DLG2: variants seen among roughly 807,000 people sequenced by gnomAD.
DLG2 encodes the protein disks large homolog 2.
A neutral mutation model predicts 132.5 loss-of-function variants in DLG2; 45 were observed. That is an observed-to-expected ratio of 0.34 (90% CI 0.27 to 0.44). The LOEUF (loss-of-function observed/expected upper bound fraction) is 0.44, where lower values mean the gene tolerates loss of function less well. Ranked by LOEUF, DLG2 falls within the 20% of genes least tolerant of loss-of-function variation. DLG2 has a pLI of 1.00. For synonymous variants in DLG2, 424 were observed against 419.6 expected, an observed-to-expected ratio of 1.01 and a Z score of -0.13; for missense variants, 1,045 against 1,196.9, an observed-to-expected ratio of 0.87 and a Z score of 1.87.
intron 4 of DLG2, among the ~76,000 whole-genome samples, chr11:85,174,678 C>T (rs1566968139): frequency 6.6e-6 from 1 of 151,960 alleles, no homozygotes; most frequent in Non-Finnish European, 1.5e-5. Flanking sequence ...AATCCAGGAG[C>T]TGATTTTTTG....
chr11:85,401,254 T>G (rs1434081293), intron 3 of DLG2, among the ~76,000 whole-genome samples: 1 of 152,104 alleles, frequency 6.6e-6, no homozygotes, highest in Non-Finnish European at 1.5e-5. Context: ...ATTATCTCAA[T>G]AGATGCAGAA....
chr11:84,414,188 A>G (rs1241269768), intron 7 of DLG2, among the ~76,000 whole-genome samples: 1 of 152,184 alleles, frequency 6.6e-6, no homozygotes, highest in East Asian at 1.9e-4. Context: ...TTTTAAGACT[A>G]TTGTGAAGAT....
At chr11:84,882,213 T>G (rs1441102434) in intron 6 of DLG2, among the ~76,000 whole-genome samples, 2 of 152,016 alleles carry the variant, frequency 1.3e-5, no homozygotes, top group Admixed American at 6.6e-5. Context: ...ACACCAAACT[T>G]TCTGAAGGAA....
rs1369784611 is a variant in DLG2 at position 84,278,046 on chromosome 11, A to C, written c.520-26755T>G. 2.6e-5 allele frequency among the ~76,000 whole-genome samples: 3 copies of C among 116,332 alleles called. No homozygotes were observed. In the South Asian group the frequency reaches 8.8e-4, roughly 34 times the overall value. The allele number at this position is 116,332 out of a possible 152,430, so 76.3% of individuals were successfully genotyped here. On this transcript the variant is annotated intron_variant, in intron 7 of 27. Coordinates refer to ENST00000376104, the MANE Select transcript of DLG2 (RefSeq NM_001142699.3). Reference sequence around the variant, plus strand: ...GTAGCTGGGACCACACGCCTGGCTAAGTTTTTTTTTTTTTTTTTTTTTTTT... The same window carrying C: ...GTAGCTGGGACCACACGCCTGGCTACGTTTTTTTTTTTTTTTTTTTTTTTT...
intron 2 of DLG2, among the ~76,000 whole-genome samples, chr11:85,612,816 C>T (rs761841516): frequency 3.9e-5 from 6 of 152,146 alleles, no homozygotes; most frequent in Non-Finnish European, 7.4e-5. Context: ...TTATGTACTT[C>T]ATTATCCTAC....
At chr11:85,284,551 G>A (rs980189615) in intron 4 of DLG2, among the ~76,000 whole-genome samples, 1 of 151,748 alleles carries the variant, frequency 6.6e-6, no homozygotes, top group African/African-American at 2.4e-5. Context: ...CCATTGACTT[G>A]TCCCTGTTAG....
chr11:84,498,891 T>C (rs2099193626), intron 7 of DLG2, among the ~76,000 whole-genome samples: 1 of 152,186 alleles, frequency 6.6e-6, no homozygotes, highest in African/African-American at 2.4e-5. Context: ...AGACTGGGGT[T>C]GGATGCAGGT....
intron 6 of DLG2, among the ~76,000 whole-genome samples, chr11:84,911,313 G>T (rs890970637): frequency 8.6e-5 from 13 of 151,928 alleles, no homozygotes; most frequent in African/African-American, 3.1e-4. Context: ...ATTCATAATT[G>T]TACTGTTTTA....
chr11:83,464,110 CAG>C (rs1264379457), intron 26 of DLG2, among the ~76,000 whole-genome samples: 1 of 152,180 alleles, frequency 6.6e-6, no homozygotes, highest in African/African-American at 2.4e-5. Flanking sequence ...GAAGTAAACA[CAG>C]AGCATCATGG....
At chr11:83,996,773 T>C (rs569717800) in intron 11 of DLG2, among the ~76,000 whole-genome samples, 13 of 152,122 alleles carry the variant, frequency 8.5e-5, no homozygotes, top group African/African-American at 2.2e-4. Context: ...ACCAAATCAA[T>C]TGAACTCATG....
At chr11:85,364,946 C>T (rs1357039073) in intron 3 of DLG2, among the ~76,000 whole-genome samples, 1 of 151,772 alleles carries the variant, frequency 6.6e-6, no homozygotes, top group Non-Finnish European at 1.5e-5. Flanking sequence ...AAGGTGCTTC[C>T]ATCTCCTAGA....
At chr11:85,520,554 T>C (rs909659911) in intron 3 of DLG2, among the ~76,000 whole-genome samples, 4 of 132,678 alleles carry the variant, frequency 3.0e-5, no homozygotes, top group African/African-American at 1.1e-4. Flanking sequence ...GAATAACCAA[T>C]GCTACCCTTA....
At chr11:84,592,183 G>T (rs984784253) in intron 6 of DLG2, among the ~76,000 whole-genome samples, 1 of 152,168 alleles carries the variant, frequency 6.6e-6, no homozygotes, top group African/African-American at 2.4e-5. Context: ...AGAGCTCACC[G>T]GTTGGTTGCT....
intron 7 of DLG2, among the ~76,000 whole-genome samples, chr11:84,461,014 T>C (rs1034304035): frequency 1.3e-5 from 2 of 150,844 alleles, no homozygotes; most frequent in Admixed American, 1.3e-4. Context: ...GGAAAATACA[T>C]GAAATGGCCC....
intron 6 of DLG2, among the ~76,000 whole-genome samples, chr11:84,877,043 TGA>T (rs1177429282): frequency 2.0e-5 from 3 of 152,232 alleles, no homozygotes; most frequent in African/African-American, 7.2e-5. Context: ...CACTGTGGTC[TGA>T]GAGACTGTTT....
chr11:83,676,774 C>A (rs893048713), intron 18 of DLG2, among the ~76,000 whole-genome samples: 1 of 152,162 alleles, frequency 6.6e-6, no homozygotes, highest in African/African-American at 2.4e-5. Context: ...GCAGCCTTAT[C>A]TGTTACTGTC....
intron 22 of DLG2, chr11:83,480,422 A>G (rs1258756136): frequency 6.5e-7 from 1 of 1,535,326 alleles, no homozygotes. Context: ...TTCTGCAAGA[A>G]CAGCACAGCA....
intron 6 of DLG2, among the ~76,000 whole-genome samples, chr11:84,781,016 C>T (rs1359865465): frequency 7.7e-6 from 1 of 130,028 alleles, no homozygotes. Flanking sequence ...AAAAAAAAAG[C>T]GACAAGACTT....
At chr11:83,966,819 T>C (rs1165470495) in intron 12 of DLG2, among the ~76,000 whole-genome samples, 1 of 152,104 alleles carries the variant, frequency 6.6e-6, no homozygotes, top group African/African-American at 2.4e-5. Flanking sequence ...ATAGTCTTTA[T>C]GTTACACATT....
Sources: gnomAD v4.1 joint callset for allele counts (sites outside exome capture counted in the v4.1 genomes callset) on GRCh38, gnomAD v4.1.1 for gene constraint, MANE v1.5 for transcripts, NCBI Gene and HGNC (gene_info 2026-07-23, HGNC 2026-07-21) for gene names.